The following RAB22A variants were observed in gnomAD, a reference collection of about 807,000 sequenced individuals.
RAB22A encodes the protein ras-related protein Rab-22A.
In RAB22A, 13 loss-of-function variants were observed where a neutral mutation model predicts 30.2. The ratio of observed to expected loss-of-function variants is 0.43; its 90% CI spans 0.28 to 0.68. RAB22A has a LOEUF of 0.68. Ranked by LOEUF, RAB22A falls within the 30% of genes least tolerant of loss-of-function variation. The pLI is 0.18. For missense variants in RAB22A, 177 were observed against 246.8 expected, an observed-to-expected ratio of 0.72 and a Z score of 1.89; for synonymous variants, 89 against 87.2, an observed-to-expected ratio of 1.02 and a Z score of -0.11.
intron 6 of RAB22A, 88 bp from the exon 7 acceptor site, chr20:58,359,518 C>CTTT: frequency 4.6e-6 from 2 of 433,268 alleles, no homozygotes; most frequent in South Asian, 8.8e-5. Flanking sequence ...TTTTTTACTT[C>CTTT]AGTGAAACCT....
At position 58,365,293 on chromosome 20, in the gene RAB22A, A is replaced by G. The variant is rs972855096; in HGVS notation, c.*5590A>G. ...ACGTCATCTTGTAGAAGAGCTGGGCATACCTCTTCCTCTAGGCCAATTCAG... is the reference window on the plus strand; with the variant it reads ...ACGTCATCTTGTAGAAGAGCTGGGCGTACCTCTTCCTCTAGGCCAATTCAG... On this transcript the variant is annotated 3_prime_UTR_variant, in exon 7 of 7. Coordinates refer to ENST00000244040, the MANE Select transcript of RAB22A (RefSeq NM_020673.3). 19 of 152,232 alleles carry G rather than the reference A, an allele frequency of 1.2e-4. No individual in the cohort carries two copies. The highest frequency in any genetic ancestry group is 4.6e-4 in the African/African-American group (19 of 41,464). The allele number at this position is 152,232 out of a possible 1,614,324, so 9.4% of individuals were successfully genotyped here.
intron 2 of RAB22A, among the ~76,000 whole-genome samples, chr20:58,340,402 C>A (rs1172285880): frequency 6.6e-6 from 1 of 152,156 alleles, no homozygotes; most frequent in African/African-American, 2.4e-5. Flanking sequence ...AGGCCACACA[C>A]CTTGCTAAGG....
At chr20:58,328,462 G>A (rs1986606304) in intron 2 of RAB22A, among the ~76,000 whole-genome samples, 1 of 152,142 alleles carries the variant, frequency 6.6e-6, no homozygotes, top group Admixed American at 6.5e-5. Flanking sequence ...TTACAGGTGT[G>A]AACCAGTGTC....
At chr20:58,343,163 CTGAT>C (rs1438938272) in intron 2 of RAB22A, among the ~76,000 whole-genome samples, 1 of 152,128 alleles carries the variant, frequency 6.6e-6, no homozygotes, top group East Asian at 1.9e-4. Flanking sequence ...GTCAGGGGCA[CTGAT>C]GATGAATCGG....
chr20:58,314,999 C>T (rs955282549), intron 2 of RAB22A, among the ~76,000 whole-genome samples: 3 of 151,894 alleles, frequency 2.0e-5, no homozygotes, highest in Non-Finnish European at 2.9e-5. Flanking sequence ...GTCAGGAGGC[C>T]GGGGTGGCTG....
In RAB22A at chr20:58,309,868, G is replaced by A. The variant is rs1379584305; in HGVS notation, c.-109G>A. 6.3e-6 allele frequency: 7 copies of A among 1,107,804 alleles called. No individual in the cohort carries two copies. Among genetic ancestry groups the A allele is most frequent in the African/African-American group, 4.9e-5 (3 of 61,336 alleles). The allele number at this position is 1,107,804 out of a possible 1,614,324, so 68.6% of individuals were successfully genotyped here. ...GGCGGCAGCCGCCTCTGCGCGGACC[G>A]GGGCTGGGCCGTGCGGCGGCAGCGG... On this transcript the variant is annotated 5_prime_UTR_variant, in exon 1 of 7. Coordinates refer to ENST00000244040, the MANE Select transcript of RAB22A (RefSeq NM_020673.3).
chr20:58,356,240 G>A (rs537839705), intron 6 of RAB22A, among the ~76,000 whole-genome samples: 5 of 151,796 alleles, frequency 3.3e-5, no homozygotes, highest in Non-Finnish European at 5.9e-5. Flanking sequence ...GAACCCGGGA[G>A]GTGGAGATTG....
intron 2 of RAB22A, among the ~76,000 whole-genome samples, chr20:58,322,589 G>T (rs944988119): frequency 2.0e-5 from 3 of 151,900 alleles, no homozygotes; most frequent in African/African-American, 4.8e-5. Context: ...CTATTATCTT[G>T]TTTACCTCTT....
intron 2 of RAB22A, among the ~76,000 whole-genome samples, chr20:58,338,662 TGC>T (rs373228224): frequency 1.8e-4 from 27 of 152,342 alleles, no homozygotes; most frequent in African/African-American, 6.3e-4. Context: ...AAGCCAAATG[TGC>T]GCTTAAATTC....
chr20:58,320,058 A>G (rs1986422180), intron 2 of RAB22A, among the ~76,000 whole-genome samples: 1 of 152,086 alleles, frequency 6.6e-6, no homozygotes, highest in Non-Finnish European at 1.5e-5. Flanking sequence ...TTTTCTCTCC[A>G]TGTAGTTTTC....
chr20:58,352,628 C>T (rs1049207677), intron 3 of RAB22A, among the ~76,000 whole-genome samples: 2 of 152,188 alleles, frequency 1.3e-5, no homozygotes, highest in African/African-American at 4.8e-5. Flanking sequence ...CTTCTCTTTC[C>T]TCCCTGTTGT....
At chr20:58,337,865 G>C (rs1986785736) in intron 2 of RAB22A, among the ~76,000 whole-genome samples, 1 of 152,068 alleles carries the variant, frequency 6.6e-6, no homozygotes, top group Admixed American at 6.5e-5. Context: ...GGATTCAGTT[G>C]GGTCACATGT....
chr20:58,317,618 G>A (rs1282108915), intron 2 of RAB22A, among the ~76,000 whole-genome samples: 2 of 147,872 alleles, frequency 1.4e-5, no homozygotes, highest in South Asian at 2.2e-4. Flanking sequence ...GAGTGCAGTG[G>A]CGCGATCTCG....
At position 58,323,757 on chromosome 20, in the gene RAB22A, A is replaced by G. The variant is rs538908402; in HGVS notation, c.116+12635A>G. On this transcript the variant is annotated intron_variant, in intron 2 of 6. Transcript: ENST00000244040. ...GTAGCTGGGAGTACTGTAGATTGAC[A>G]CCACCATGCCCAGCAGAAGCACCTT... 2.0e-5 allele frequency among the ~76,000 whole-genome samples: 3 copies of G among 151,458 alleles called. No individual in the cohort carries two copies. The South Asian group carries it at 6.3e-4, about 32-fold the overall frequency.
chr20:58,323,500 A>G (rs931136391), intron 2 of RAB22A, among the ~76,000 whole-genome samples: 1 of 152,112 alleles, frequency 6.6e-6, no homozygotes, highest in Non-Finnish European at 1.5e-5. Context: ...TCAATGTTCA[A>G]TAGAAATGGT....
rs528575989 is a variant in RAB22A, at chr20:58,332,827, A to G, written c.117-10891A>G. Among the ~76,000 whole-genome samples, 7 of 152,266 alleles carry G rather than the reference A, an allele frequency of 4.6e-5. No individual in the cohort carries two copies. The South Asian group carries it at 1.5e-3, about 32-fold the overall frequency. ...TAGGTATATCATAGTCAAACTGCTG[A>G]TAACCGGAAATAAAGAGCAGATCTT... is the stretch of plus-strand genomic sequence containing the variant. On this transcript the variant is annotated intron_variant, in intron 2 of 6. Transcript: ENST00000244040.
At chr20:58,331,728 C>T (rs1986663578) in intron 2 of RAB22A, among the ~76,000 whole-genome samples, 1 of 152,072 alleles carries the variant, frequency 6.6e-6, no homozygotes, top group African/African-American at 2.4e-5. Flanking sequence ...GGGGCTTCCT[C>T]CTTCTTGTGT....
intron 2 of RAB22A, among the ~76,000 whole-genome samples, chr20:58,321,989 G>A (rs1253748616): frequency 1.3e-5 from 2 of 152,112 alleles, no homozygotes; most frequent in African/African-American, 4.8e-5. Flanking sequence ...TTGTAGAGCT[G>A]GGGTCACTTT....
intron 3 of RAB22A, among the ~76,000 whole-genome samples, chr20:58,344,346 A>C (rs1040775911): frequency 1.3e-5 from 2 of 152,218 alleles, no homozygotes; most frequent in Non-Finnish European, 1.5e-5. Context: ...GGGCCTGAAC[A>C]TGGCAGCATG....
Sources: gnomAD v4.1 joint callset for allele counts (sites outside exome capture counted in the v4.1 genomes callset) on GRCh38, gnomAD v4.1.1 for gene constraint, MANE v1.5 for transcripts, NCBI Gene and HGNC (gene_info 2026-07-23, HGNC 2026-07-21) for gene names.